The following GLRB variants were observed in gnomAD, a reference collection of about 807,000 sequenced individuals.
The protein encoded by GLRB is glycine receptor beta, also known as glycine receptor subunit beta.
In GLRB, 33 loss-of-function variants were observed where a neutral mutation model predicts 54.2. That is an observed-to-expected ratio of 0.61 (90% CI 0.46 to 0.81). The LOEUF is 0.81. GLRB is among the 40% of genes least tolerant of loss of function. The pLI is 0.00. For synonymous variants in GLRB, 209 were observed against 208.2 expected (o/e 1.00, Z -0.03); for missense variants, 572 against 584.6 (o/e 0.98, Z 0.22).
At chr4:157,093,511 T>G (rs1487560764) in intron 2 of GLRB, among the ~76,000 whole-genome samples, 2 of 151,974 alleles carry the variant, frequency 1.3e-5, no homozygotes, top group Non-Finnish European at 2.9e-5. Context: ...GAGGCTGAGG[T>G]GGGCTGATCA....
At chr4:157,101,325 G>A (rs1442456846) in intron 2 of GLRB, among the ~76,000 whole-genome samples, 1 of 151,872 alleles carries the variant, frequency 6.6e-6, no homozygotes, top group Non-Finnish European at 1.5e-5. Flanking sequence ...GTTCTGAATT[G>A]TTCTAAAATA....
At chr4:157,160,863 C>G (rs1737456380) in intron 9 of GLRB, among the ~76,000 whole-genome samples, 1 of 152,108 alleles carries the variant, frequency 6.6e-6, no homozygotes, top group African/African-American at 2.4e-5. Context: ...TGGTGCAGAG[C>G]TGAGTTCAAT....
intron 2 of GLRB, among the ~76,000 whole-genome samples, chr4:157,107,728 G>A (rs1481093129): frequency 6.6e-6 from 1 of 152,110 alleles, no homozygotes; most frequent in Non-Finnish European, 1.5e-5. Flanking sequence ...GCCACAGCAA[G>A]TTATCCAGAA....
intron 2 of GLRB, among the ~76,000 whole-genome samples, chr4:157,086,074 C>T (rs990685292): frequency 2.6e-5 from 4 of 152,194 alleles, no homozygotes; most frequent in East Asian, 1.9e-4. Flanking sequence ...TCAAGTGGTC[C>T]TCCCGCCTTG....
rs559392121 is a variant in GLRB, at chr4:157,078,513, T to A, written c.122+367T>A. On this transcript the variant is annotated intron_variant, in intron 2 of 9. Coordinates refer to ENST00000264428, the MANE Select transcript of GLRB (RefSeq NM_000824.5). ...AATACCAGTTCAAAAAGTTTTTTTTTAAAAAAACCCTAAAATATTTAATAA... is the reference window on the plus strand; with the variant it reads ...AATACCAGTTCAAAAAGTTTTTTTTAAAAAAAACCCTAAAATATTTAATAA... Among the ~76,000 whole-genome samples the A allele has an allele frequency of 2.0e-3, 304 of 151,988 alleles. 2 individuals are homozygous for A. The highest frequency in any genetic ancestry group is 5.7e-3 in the African/African-American group (235 of 41,494).
intron 6 of GLRB, among the ~76,000 whole-genome samples, chr4:157,138,235 C>T (rs1736478354): frequency 1.3e-5 from 2 of 152,226 alleles, no homozygotes; most frequent in South Asian, 2.1e-4. Context: ...CCGTGCCTGG[C>T]TAATTTATGT....
rs980131609 is a variant in GLRB, at chr4:157,154,868, G to A, written c.1197+1858G>A. Among the ~76,000 whole-genome samples the A allele has an allele frequency of 4.1e-4, 63 of 152,118 alleles. 1 individual carries two copies. The highest frequency in any genetic ancestry group is 7.9e-4 in the Non-Finnish European group (54 of 67,988). On this transcript the variant is annotated intron_variant, in intron 9 of 9. Transcript: ENST00000264428. ...ATAAGTTATGCATGCATAACATCACGATCTACTAGTGTCATTATTTTGCTA... is the reference window on the plus strand; with the variant it reads ...ATAAGTTATGCATGCATAACATCACAATCTACTAGTGTCATTATTTTGCTA...
At chr4:157,126,311 G>A (rs1388212036) in intron 4 of GLRB, among the ~76,000 whole-genome samples, 1 of 151,766 alleles carries the variant, frequency 6.6e-6, no homozygotes, top group Non-Finnish European at 1.5e-5. Context: ...TATAGTGGAG[G>A]AAAAATTACA....
chr4:157,102,364 C>T (rs542770459), intron 2 of GLRB, among the ~76,000 whole-genome samples: 45 of 152,158 alleles, frequency 3.0e-4, no homozygotes, highest in Non-Finnish European at 4.7e-4. Flanking sequence ...CCAGCCTCTG[C>T]AAACCACCAT....
chr4:157,082,534 GT>G (rs1579180254), intron 2 of GLRB, among the ~76,000 whole-genome samples: 1 of 152,222 alleles, frequency 6.6e-6, no homozygotes. Flanking sequence ...TCTGGATTTT[GT>G]TAAGTTACCT....
chr4:157,147,071 T>C (rs1051767759), intron 8 of GLRB, among the ~76,000 whole-genome samples: 1 of 152,134 alleles, frequency 6.6e-6, no homozygotes, highest in African/African-American at 2.4e-5. Context: ...AAGGTTCCAA[T>C]GTCAGTTAGG....
At chr4:157,130,032 A>C (rs980529211) in intron 4 of GLRB, among the ~76,000 whole-genome samples, 1 of 151,784 alleles carries the variant, frequency 6.6e-6, no homozygotes, top group African/African-American at 2.4e-5. Context: ...AAAATGAAAA[A>C]GTTTTTTAGC....
At chr4:157,146,679 G>A (rs896755893) in intron 8 of GLRB, among the ~76,000 whole-genome samples, 3 of 151,874 alleles carry the variant, frequency 2.0e-5, no homozygotes. Context: ...AATTAGCCAG[G>A]CATGGTGGTG....
intron 9 of GLRB, among the ~76,000 whole-genome samples, chr4:157,169,564 A>G (rs1031182528): frequency 1.3e-5 from 2 of 152,108 alleles, no homozygotes; most frequent in African/African-American, 2.4e-5. Flanking sequence ...TTGACCCTCT[A>G]TATCCATGGA....
Position 157,136,704 on chromosome 4 carries a change from C to G in GLRB, c.527+6C>G, listed in dbSNP as rs368768399. Reference sequence around the variant, plus strand: ...GATGTCCTTGTCAGCATGAGGTACTCTTTTATATTTCATATTTGTGCATTT... The same window carrying G: ...GATGTCCTTGTCAGCATGAGGTACTGTTTTATATTTCATATTTGTGCATTT... On this transcript the variant is annotated splice_donor_region_variant and intron_variant, in intron 5 of 9. Coordinates refer to ENST00000264428, the MANE Select transcript of GLRB (RefSeq NM_000824.5). 2 of 1,551,440 alleles carry G rather than the reference C, an allele frequency of 1.3e-6. No individual in the cohort carries two copies. Among genetic ancestry groups the G allele is most frequent in the Admixed American group, 1.7e-5 (1 of 59,918 alleles).
At chr4:157,080,925 G>A (rs979384768) in intron 2 of GLRB, among the ~76,000 whole-genome samples, 1 of 151,892 alleles carries the variant, frequency 6.6e-6, no homozygotes, top group Non-Finnish European at 1.5e-5. Context: ...TGTAAATAGA[G>A]GAAACATGTT....
At chr4:157,084,685 G>C in intron 2 of GLRB, 1 of 456,098 alleles carries the variant, frequency 2.2e-6, no homozygotes, top group Non-Finnish European at 4.4e-6. Context: ...ACCATTGAAT[G>C]ACAGCATTTT....
At chr4:157,122,733 T>G (rs1329756302) in intron 4 of GLRB, among the ~76,000 whole-genome samples, 2 of 151,840 alleles carry the variant, frequency 1.3e-5, no homozygotes, top group Non-Finnish European at 2.9e-5. Flanking sequence ...GCTTATATGT[T>G]GGAACATTCA....
intron 9 of GLRB, among the ~76,000 whole-genome samples, chr4:157,157,789 G>A (rs555244510): frequency 7.2e-5 from 11 of 152,176 alleles, no homozygotes; most frequent in South Asian, 2.1e-4. Flanking sequence ...GAATAGTGCC[G>A]CAATAAACAT....
Sources: allele counts gnomAD v4.1 joint callset (sites outside exome capture counted in the v4.1 genomes callset), GRCh38; gene constraint gnomAD v4.1.1; transcripts MANE v1.5; gene names NCBI Gene and HGNC (gene_info 2026-07-23, HGNC 2026-07-21).